The following SNX24 variants were observed in gnomAD, a reference collection of about 807,000 sequenced individuals.
SNX24 encodes the protein sorting nexin-24.
Under a neutral mutation model 28.7 loss-of-function variants are expected in SNX24, and 22 were observed. The ratio of observed to expected loss-of-function variants is 0.77; its 90% CI spans 0.55 to 1.10. The LOEUF is 1.10. Among genes scored for constraint, SNX24 ranks in the 50% least tolerant of loss-of-function variants. The pLI, the probability that SNX24 is intolerant of heterozygous loss-of-function variation, is 0.00. For missense variants in SNX24, 221 were observed against 201.1 expected, an observed-to-expected ratio of 1.10 and a Z score of -0.60; for synonymous variants, 69 against 71.5, an observed-to-expected ratio of 0.96 and a Z score of 0.18.
At chr5:122,988,934 T>G (rs1376703515) in intron 3 of SNX24, among the ~76,000 whole-genome samples, 1 of 152,200 alleles carries the variant, frequency 6.6e-6, no homozygotes, top group African/African-American at 2.4e-5. Context: ...TTTTTTAAAG[T>G]AGTAAATTAA....
At chr5:122,906,269 T>C (rs1298475597) in intron 1 of SNX24, among the ~76,000 whole-genome samples, 1 of 152,170 alleles carries the variant, frequency 6.6e-6, no homozygotes, top group Admixed American at 6.5e-5. Context: ...CCTGGCTCAC[T>C]CTGGGTTCCA....
intron 1 of SNX24, among the ~76,000 whole-genome samples, chr5:122,915,708 C>A (rs1252961926): frequency 6.6e-6 from 1 of 152,212 alleles, no homozygotes; most frequent in Non-Finnish European, 1.5e-5. Context: ...CTTCTCCTTT[C>A]TTGTAAGGTA....
chr5:123,001,454 A>G lies in SNX24; in HGVS notation c.377+17A>G. 1.3e-6 allele frequency: 2 copies of G among 1,541,212 alleles called. No homozygotes were observed. The highest frequency in any genetic ancestry group is 2.3e-5 in the South Asian group (2 of 88,184). ...AGAGTCAAGGTAAGGACTAATCCTC[A>G]TCAGCCAGGAATAGGATTATGGTTT... On this transcript the variant is annotated intron_variant, in intron 5 of 6. Transcript: ENST00000261369.
intron 6 of SNX24, among the ~76,000 whole-genome samples, chr5:123,004,889 T>G (rs1762371983): frequency 6.6e-6 from 1 of 152,196 alleles, no homozygotes; most frequent in Non-Finnish European, 1.5e-5. Context: ...ACAATACATG[T>G]TCATTAAATA....
intron 1 of SNX24, among the ~76,000 whole-genome samples, chr5:122,935,571 CAGA>C (rs1477553800): frequency 6.6e-6 from 1 of 152,076 alleles, no homozygotes; most frequent in Non-Finnish European, 1.5e-5. Context: ...AGTCATGCAG[CAGA>C]AGATTTTGTT....
At chr5:122,892,218 C>T (rs1400419057) in intron 1 of SNX24, among the ~76,000 whole-genome samples, 1 of 152,092 alleles carries the variant, frequency 6.6e-6, no homozygotes, top group Non-Finnish European at 1.5e-5. Flanking sequence ...CACCCACACA[C>T]ATAACACACA....
chr5:122,992,654 T>G (rs1341854835), intron 3 of SNX24, among the ~76,000 whole-genome samples: 7 of 152,240 alleles, frequency 4.6e-5, no homozygotes, highest in African/African-American at 1.7e-4. Context: ...TCAAGGAAAC[T>G]AGCTACTCCC....
intron 3 of SNX24, among the ~76,000 whole-genome samples, chr5:122,961,339 C>T (rs183577770): frequency 8.1e-4 from 124 of 152,266 alleles, no homozygotes; most frequent in African/African-American, 2.9e-3. Flanking sequence ...AAGGAAAGAA[C>T]AAGACCTATG....
chr5:122,955,768 A>G (rs1422188007), intron 3 of SNX24, among the ~76,000 whole-genome samples: 1 of 152,180 alleles, frequency 6.6e-6, no homozygotes, highest in Non-Finnish European at 1.5e-5. Context: ...AGCTCCTCAC[A>G]TGGTTTCCGC....
intron 2 of SNX24, among the ~76,000 whole-genome samples, chr5:122,940,914 T>A (rs1426791434): frequency 6.6e-6 from 1 of 152,216 alleles, no homozygotes; most frequent in Non-Finnish European, 1.5e-5. Flanking sequence ...TTTTCTGGGT[T>A]CTAGAAGAGA....
intron 1 of SNX24, among the ~76,000 whole-genome samples, chr5:122,891,988 G>A (rs1756993996): frequency 2.0e-5 from 3 of 152,076 alleles, no homozygotes; most frequent in South Asian, 4.1e-4. Context: ...ATAACATCGT[G>A]AGGACCTTCA....
At chr5:122,972,417 A>G (rs1760995310) in intron 3 of SNX24, among the ~76,000 whole-genome samples, 2 of 152,228 alleles carry the variant, frequency 1.3e-5, no homozygotes, top group African/African-American at 2.4e-5. Context: ...GCTGATTCAA[A>G]GAATACACAG....
intron 1 of SNX24, among the ~76,000 whole-genome samples, chr5:122,847,047 C>T (rs112967649): frequency 6.6e-6 from 1 of 151,836 alleles, no homozygotes; most frequent in African/African-American, 2.4e-5. Context: ...TCACTTCTCC[C>T]ATCAGCACTA....
Position 122,983,329 on chromosome 5 carries a change from G to C in SNX24, c.250-16583G>C, listed in dbSNP as rs76997930. Among the ~76,000 whole-genome samples, 851 of 151,706 alleles carry C rather than the reference G, an allele frequency of 5.6e-3. 11 individuals are homozygous for C. The highest frequency in any genetic ancestry group is 0.019 in the African/African-American group (775 of 41,342). ...TTATTTACTTTTGCATAACTAAAAG[G>C]CACCTTATAATTTCTCTTCTCTTTT... On this transcript the variant is annotated intron_variant, in intron 3 of 6. Coordinates refer to ENST00000261369, the MANE Select transcript of SNX24 (RefSeq NM_014035.4).
chr5:122,983,637 C>T (rs930107464), intron 3 of SNX24, among the ~76,000 whole-genome samples: 5 of 152,170 alleles, frequency 3.3e-5, no homozygotes, highest in African/African-American at 1.2e-4. Context: ...AGGGTCTCAT[C>T]TTGTTGCCCT....
intron 1 of SNX24, among the ~76,000 whole-genome samples, chr5:122,902,632 G>C (rs903520697): frequency 6.6e-6 from 1 of 152,158 alleles, no homozygotes; most frequent in Non-Finnish European, 1.5e-5. Flanking sequence ...TTACAGACAA[G>C]GAACAGAATC....
intron 2 of SNX24, among the ~76,000 whole-genome samples, chr5:122,945,770 T>G (rs1290462680): frequency 6.6e-6 from 1 of 152,204 alleles, no homozygotes; most frequent in Non-Finnish European, 1.5e-5. Context: ...TTTTATTCAT[T>G]TATTAGGCTT....
chr5:122,946,212 A>G (rs1759679712), intron 3 of SNX24, 53 bp downstream of exon 3: 2 of 1,074,116 alleles, frequency 1.9e-6, no homozygotes, highest in South Asian at 1.4e-5. Context: ...CATATGTCTT[A>G]CCACTTTTTC....
intron 1 of SNX24, among the ~76,000 whole-genome samples, chr5:122,872,056 T>G (rs555226270): frequency 6.6e-6 from 1 of 151,374 alleles, no homozygotes; most frequent in African/African-American, 2.4e-5. Context: ...CTGATACTTC[T>G]AAAGACATTT....
Sources: gnomAD v4.1 joint callset for allele counts (sites outside exome capture counted in the v4.1 genomes callset) on GRCh38, gnomAD v4.1.1 for gene constraint, MANE v1.5 for transcripts, NCBI Gene and HGNC (gene_info 2026-07-23, HGNC 2026-07-21) for gene names.